The following ELAVL4 variants were observed in gnomAD, a reference collection of about 807,000 sequenced individuals.
The protein encoded by ELAVL4 is ELAV like RNA binding protein 4.
ELAVL4 carries 1 observed loss-of-function variant against 35.6 expected under a neutral mutation model. The observed-to-expected ratio is 0.03, with a 90% CI of 0.01 to 0.13. ELAVL4 has a LOEUF of 0.13. Among genes scored for constraint, ELAVL4 ranks in the 10% least tolerant of loss-of-function variants. The pLI is 1.00. For synonymous variants in ELAVL4, 156 were observed against 171.0 expected (o/e 0.91, Z 0.69); for missense variants, 267 against 464.9 (o/e 0.57, Z 3.91).
At chr1:50,090,546 TC>T (rs1345112315) in intron 1 of ELAVL4, among the ~76,000 whole-genome samples, 18 of 152,124 alleles carry the variant, frequency 1.2e-4, no homozygotes, top group Non-Finnish European at 2.9e-5. Flanking sequence ...TTTGACACAG[TC>T]AGGGTTAGCT....
intron 2 of ELAVL4, among the ~76,000 whole-genome samples, chr1:50,167,398 C>T (rs1305548667): frequency 2.0e-5 from 3 of 152,098 alleles, no homozygotes; most frequent in African/African-American, 4.8e-5. Flanking sequence ...ATGGTAGTCT[C>T]GGCAGAAGCA....
intron 1 of ELAVL4, among the ~76,000 whole-genome samples, chr1:50,055,765 T>A (rs933216665): frequency 2.6e-5 from 4 of 152,080 alleles, no homozygotes; most frequent in Admixed American, 6.5e-5. Context: ...AGCAAATGAC[T>A]TAGTATGAGG....
At chr1:50,087,341 C>T (rs1181511006) in intron 1 of ELAVL4, among the ~76,000 whole-genome samples, 1 of 152,162 alleles carries the variant, frequency 6.6e-6, no homozygotes, top group East Asian at 1.9e-4. Context: ...AGCAAAGATG[C>T]TTGCTGTTCA....
At chr1:50,140,864 G>T (rs1021969779) in intron 1 of ELAVL4, among the ~76,000 whole-genome samples, 1 of 152,164 alleles carries the variant, frequency 6.6e-6, no homozygotes, top group Non-Finnish European at 1.5e-5. Context: ...CTAATTTATA[G>T]ATGTGGTCAG....
chr1:50,061,812 G>C (rs769802647), intron 1 of ELAVL4, among the ~76,000 whole-genome samples: 23 of 152,180 alleles, frequency 1.5e-4, no homozygotes, highest in Admixed American at 1.4e-3. Flanking sequence ...AGGTTGGCAG[G>C]CCTTTGTCTG....
At chr1:50,123,936 T>C (rs979183699) in intron 1 of ELAVL4, among the ~76,000 whole-genome samples, 1 of 152,108 alleles carries the variant, frequency 6.6e-6, no homozygotes, top group Non-Finnish European at 1.5e-5. Flanking sequence ...AATCAAATGT[T>C]TATTTTTCTA....
intron 2 of ELAVL4, among the ~76,000 whole-genome samples, chr1:50,173,025 C>T (rs1327669910): frequency 6.6e-6 from 1 of 152,064 alleles, no homozygotes; most frequent in African/African-American, 2.4e-5. Context: ...CCCTCTTTTC[C>T]CCCTCTTCCC....
chr1:50,081,731 A>C (rs529836483), intron 1 of ELAVL4, among the ~76,000 whole-genome samples: 1 of 152,316 alleles, frequency 6.6e-6, no homozygotes, highest in South Asian at 2.1e-4. Flanking sequence ...CAGAATGTGC[A>C]GGTTTGTTAC....
chr1:50,127,093 TA>T (rs1670064893), intron 1 of ELAVL4, among the ~76,000 whole-genome samples: 2 of 152,098 alleles, frequency 1.3e-5, no homozygotes, highest in Non-Finnish European at 2.9e-5. Context: ...CTCTTACGAT[TA>T]TCTCAGCATG....
rs967647357 is a variant in ELAVL4, at chr1:50,199,058, A to C, written c.773+1591A>C. On this transcript the variant is annotated intron_variant, in intron 6 of 6. Transcript: ENST00000371824. ...AATCTTCAGAAATGATACAAGTTAC[A>C]AATAGACATGGATTTGCACGTCTAA... 4.0e-5 allele frequency among the ~76,000 whole-genome samples: 6 copies of C among 149,932 alleles called. No homozygotes were observed. The East Asian group carries it at 1.2e-3, about 29-fold the overall frequency.
In ELAVL4 at chr1:50,088,439, T is replaced by C. The variant is rs566892155; in HGVS notation, c.18+40257T>C. On this transcript the variant is annotated intron_variant, in intron 1 of 6. Transcript: ENST00000448907. ...GGGAGGTCCTCCAGCTCATCTCTTC[T>C]ATCTGTAGACCAACTTTTCCTCGAG... is the stretch of plus-strand genomic sequence containing the variant. Among the ~76,000 whole-genome samples the C allele has an allele frequency of 2.0e-5, 3 of 152,330 alleles. No homozygotes were observed. The East Asian group carries it at 5.8e-4, about 29-fold the overall frequency.
chr1:50,191,604 C>G (rs1362210029), intron 3 of ELAVL4, among the ~76,000 whole-genome samples: 1 of 152,054 alleles, frequency 6.6e-6, no homozygotes, highest in South Asian at 2.1e-4. Flanking sequence ...CTAAAGAGAT[C>G]ATCAGCCTAG....
At chr1:50,156,775 C>G (rs1159673176) in intron 2 of ELAVL4, among the ~76,000 whole-genome samples, 2 of 152,192 alleles carry the variant, frequency 1.3e-5, no homozygotes, top group African/African-American at 4.8e-5. Context: ...CCATGTCTGT[C>G]TGCCAGCTGG....
intron 1 of ELAVL4, among the ~76,000 whole-genome samples, chr1:50,050,996 A>C (rs901859585): frequency 6.6e-6 from 1 of 152,184 alleles, no homozygotes; most frequent in Admixed American, 6.5e-5. Context: ...AATCAACACT[A>C]TATAGATTAT....
chr1:50,154,054 T>C (rs1042929837), intron 2 of ELAVL4, among the ~76,000 whole-genome samples: 2 of 152,188 alleles, frequency 1.3e-5, no homozygotes, highest in African/African-American at 2.4e-5. Flanking sequence ...CCAAGCTGCC[T>C]AATACAGACA....
At chr1:50,052,490 G>A (rs1572093679) in intron 1 of ELAVL4, among the ~76,000 whole-genome samples, 1 of 152,280 alleles carries the variant, frequency 6.6e-6, no homozygotes, top group African/African-American at 2.4e-5. Context: ...TAGTTTTATA[G>A]TATCTTAGGT....
chr1:50,184,070 GTGCTAGCAGCCCTCTCTTGTGGGAGA>G (rs1248823267), intron 3 of ELAVL4, among the ~76,000 whole-genome samples: 2 of 152,266 alleles, frequency 1.3e-5, no homozygotes, highest in African/African-American at 4.8e-5. Context: ...TACCCCAGTT[GTGCTAGCAGCCCTCTCTTGTGGGAGA>G]TTTTATTTGG....
chr1:50,109,309 T>G, intron 1 of ELAVL4, 111 bp downstream of exon 1: 1 of 1,175,864 alleles, frequency 8.5e-7, no homozygotes, highest in Middle Eastern at 2.0e-4. Flanking sequence ...GTGCTGCTGT[T>G]TGGTTCCTAC....
At chr1:50,131,705 A>T (rs1224704909) in intron 1 of ELAVL4, among the ~76,000 whole-genome samples, 1 of 152,004 alleles carries the variant, frequency 6.6e-6, no homozygotes, top group Non-Finnish European at 1.5e-5. Flanking sequence ...CAGGAGAATC[A>T]CTTGAACCTA....
Sources: allele counts gnomAD v4.1 joint callset (sites outside exome capture counted in the v4.1 genomes callset), GRCh38; gene constraint gnomAD v4.1.1; transcripts MANE v1.5; gene names NCBI Gene and HGNC (gene_info 2026-07-23, HGNC 2026-07-21).